Variants in LPIN1 observed in about 807,000 individuals in gnomAD.
LPIN1 encodes the protein lipin 1, also known as phosphatidate phosphatase LPIN1.
A neutral mutation model predicts 107.5 loss-of-function variants in LPIN1; 71 were observed. The observed-to-expected ratio is 0.66, with a 90% confidence interval of 0.55 to 0.80. The LOEUF is 0.80. LPIN1 is among the 30% of genes least tolerant of loss of function. LPIN1 has a pLI of 0.00. For missense variants in LPIN1, 1,043 were observed against 1,160.6 expected (o/e 0.90, Z 1.47); for synonymous variants, 445 against 452.6 (o/e 0.98, Z 0.21).
chr2:11,823,236 G>A (rs59466442), intron 20 of LPIN1: 12,487 of 152,248 alleles, frequency 0.082, 1,133 homozygotes, highest in African/African-American at 0.21. Flanking sequence ...TGGGGGAGGC[G>A]CGCAGATGGA....
chr2:11,798,384 A>G (rs1469940007), intron 14 of LPIN1, among the ~76,000 whole-genome samples: 1 of 152,200 alleles, frequency 6.6e-6, no homozygotes, highest in Non-Finnish European at 1.5e-5. Context: ...TGCTGGTGCC[A>G]GCACTGCTCT....
At position 11,825,948 on chromosome 2, in the gene LPIN1, T is replaced by G. The variant is rs1682313851; in HGVS notation, c.*1157T>G. On this transcript the variant is annotated 3_prime_UTR_variant, in exon 21 of 21. Transcript: ENST00000674199. This position sits in a 1 kb window ranked among gnomAD's most constrained non-coding sequence, Gnocchi z 4.1. ...CTGACCTTCTTTTGGAATTTCTGAG[T>G]CATTTATTTTCCTTAGCTTTTTCCA... The G allele has an allele frequency of 6.6e-6, 1 of 152,214 alleles. No homozygotes were observed. The highest frequency in any genetic ancestry group is 1.5e-5 in the Non-Finnish European group (1 of 68,034). The allele number at this position is 152,214 out of a possible 1,614,324, so 9.4% of individuals were successfully genotyped here. A position where few individuals can be genotyped will look rare whatever the true frequency, so the allele number is the denominator to read the frequency against.
upstream of LPIN1, chr2:11,723,427 A>T (rs754591467): frequency 2.0e-5 from 3 of 152,066 alleles, no homozygotes; most frequent in East Asian, 5.8e-4. Flanking sequence ...GGAGGCTGAG[A>T]CGGGCAGATC....
In LPIN1 at chr2:11,707,951, G is replaced by A. The variant is rs1663210231; in HGVS notation, c.82-5805G>A. Among the ~76,000 whole-genome samples the A allele has an allele frequency of 6.6e-6, 1 of 152,162 alleles. No homozygotes were observed. The highest frequency in any genetic ancestry group is 2.1e-4 in the South Asian group (1 of 4,826). Reference sequence around the variant, plus strand: ...GCTGGACTTCAGGAGTTTCATGTGAGAAAATCCTGGGGAAGTGAACTGAAC... The same window carrying A: ...GCTGGACTTCAGGAGTTTCATGTGAAAAAATCCTGGGGAAGTGAACTGAAC... On this transcript the variant is annotated intron_variant, in intron 1 of 21. Coordinates refer to the LPIN1 transcript ENST00000449576. This position sits in a 1 kb window ranked among gnomAD's most constrained non-coding sequence, Gnocchi z 4.2.
chr2:11,782,254 T>G lies in LPIN1; in HGVS notation c.1011T>G (p.Ile337Met). ...KESSPLSSRK[I>M]CDKSHFQAIH... The stretch of plus-strand genomic sequence containing the variant: ...CCAGCCCATTGAGCAGTAGAAAAAT[T>G]TGTGATAAAAGTCACTTTCAGGCCA... The change falls in exon 8 of 21, where the codon ATT (isoleucine) becomes ATG (methionine). Residue 337 changes from isoleucine (I) to methionine (M), a missense_variant. Physicochemically the swap from Ile to Met is conservative, Grantham distance 10. Coordinates refer to ENST00000674199, the MANE Select transcript of LPIN1 (RefSeq NM_001349206.2). 1 of 1,614,192 alleles carries G rather than the reference T, an allele frequency of 6.2e-7. No individual in the cohort carries two copies.
At chr2:11,717,433 G>A (rs1230917608) in intron 2 of LPIN1, among the ~76,000 whole-genome samples, 1 of 151,960 alleles carries the variant, frequency 6.6e-6, no homozygotes, top group Non-Finnish European at 1.5e-5. Flanking sequence ...TGTTTTTCCT[G>A]GAGGTTATAT....
At chr2:11,741,101 G>C (rs1572500593) in intron 1 of LPIN1, 1 of 339,344 alleles carries the variant, frequency 2.9e-6, no homozygotes, top group East Asian at 4.8e-5. Flanking sequence ...GAGCAGGACG[G>C]CCTTCACAGC....
chr2:11,679,934 G>A (rs1253172071), intron 1 of LPIN1, among the ~76,000 whole-genome samples: 2 of 152,252 alleles, frequency 1.3e-5, no homozygotes, highest in Non-Finnish European at 2.9e-5. Flanking sequence ...TGGCCTGCTT[G>A]CTGAAGGGTG....
chr2:11,708,915 A>G (rs923159051), intron 1 of LPIN1, among the ~76,000 whole-genome samples: 3 of 152,158 alleles, frequency 2.0e-5, no homozygotes, highest in Admixed American at 6.5e-5. Context: ...CAAGGGCCCT[A>G]TGACAAAGCT....
intron 1 of LPIN1, among the ~76,000 whole-genome samples, chr2:11,735,410 T>C (rs1558770799): frequency 6.6e-6 from 1 of 152,208 alleles, no homozygotes; most frequent in Non-Finnish European, 1.5e-5. Context: ...ATTAATGTTA[T>C]GCTTTAGGTT....
Position 11,824,148 on chromosome 2 carries a change from G to C in LPIN1, c.2622-484G>C, listed in dbSNP as rs138632253. Among the ~76,000 whole-genome samples, 1,046 of 152,066 alleles carry C rather than the reference G, an allele frequency of 6.9e-3. 10 individuals carry two copies. The highest frequency in any genetic ancestry group is 0.022 in the African/African-American group (923 of 41,428). ...TAGAGAGGTTACGCCATTTGCCCAC[G>C]ATCACGCAGCTAGTAAATGGCAGAG... On this transcript the variant is annotated intron_variant, in intron 20 of 20. Transcript: ENST00000674199.
intron 1 of LPIN1, among the ~76,000 whole-genome samples, chr2:11,740,426 T>G (rs1666220671): frequency 6.6e-6 from 1 of 152,062 alleles, no homozygotes; most frequent in Non-Finnish European, 1.5e-5. Flanking sequence ...CAATTATAAC[T>G]TCCCCGCACT....
At chr2:11,716,053 T>C (rs1572381936) in intron 2 of LPIN1, among the ~76,000 whole-genome samples, 2 of 152,126 alleles carry the variant, frequency 1.3e-5, no homozygotes, top group South Asian at 4.1e-4. Context: ...CTCATGGAAC[T>C]TCCCAAGGCA....
At chr2:11,823,356 G>C (rs1323413210) in intron 20 of LPIN1, among the ~76,000 whole-genome samples, 1 of 152,180 alleles carries the variant, frequency 6.6e-6, no homozygotes, top group Non-Finnish European at 1.5e-5. Flanking sequence ...ACAAACCTCA[G>C]ACAAATAAGC....
chr2:11,785,637 C>T (rs996460481), intron 10 of LPIN1, among the ~76,000 whole-genome samples: 1 of 152,134 alleles, frequency 6.6e-6, no homozygotes, highest in Non-Finnish European at 1.5e-5. Context: ...ACACAGTGGC[C>T]CTGCACCCCT....
At chr2:11,785,097 G>T (rs1674310365) in intron 10 of LPIN1, 21 bp downstream of exon 10, 1 of 1,524,666 alleles carries the variant, frequency 6.6e-7, no homozygotes, top group South Asian at 1.2e-5. Flanking sequence ...CCTCGCGCGG[G>T]CGCCCTCTGG....
intron 9 of LPIN1, chr2:11,784,657 T>C: frequency 1.6e-6 from 1 of 612,042 alleles, no homozygotes; most frequent in Non-Finnish European, 2.9e-6. Context: ...CAGTATATTT[T>C]AGGGGGATAC....
At chr2:11,716,940 C>G (rs956782571) in intron 2 of LPIN1, among the ~76,000 whole-genome samples, 4 of 152,188 alleles carry the variant, frequency 2.6e-5, no homozygotes, top group African/African-American at 9.7e-5. Flanking sequence ...CTAATAAGAA[C>G]AACAATTCCC....
intron 19 of LPIN1, 97 bp downstream of exon 19, chr2:11,819,695 A>G (rs541123888): frequency 2.2e-6 from 2 of 909,674 alleles, no homozygotes; most frequent in African/African-American, 3.2e-5. Context: ...ATGTAGAGTC[A>G]GATTCTCATC....
Sources: allele counts gnomAD v4.1 joint callset (sites outside exome capture counted in the v4.1 genomes callset), GRCh38; gene constraint gnomAD v4.1.1; non-coding constraint Gnocchi (gnomAD v3.1); transcripts MANE v1.5; gene names NCBI Gene and HGNC (gene_info 2026-07-23, HGNC 2026-07-21).